Variants in TAFA5 observed in about 807,000 individuals in gnomAD.
TAFA5 encodes chemokine-like protein TAFA-5.
Under a neutral mutation model 15.3 loss-of-function variants are expected in TAFA5, and 6 were observed. The ratio of observed to expected loss-of-function variants is 0.39; its 90% CI spans 0.21 to 0.77. TAFA5 has a LOEUF of 0.77. TAFA5 is among the 30% of genes least tolerant of loss of function. TAFA5 has a pLI of 0.41. For missense variants in TAFA5, 161 were observed against 193.1 expected (o/e 0.83, Z 0.98); for synonymous variants, 103 against 80.7 (o/e 1.28, Z -1.48).
intron 1 of TAFA5, among the ~76,000 whole-genome samples, chr22:48,561,863 A>G (rs1298369702): frequency 1.3e-5 from 2 of 152,200 alleles, no homozygotes; most frequent in Non-Finnish European, 2.9e-5. Context: ...CCGGGGCCAC[A>G]CACATTCTGC....
rs1428396300 is a variant in TAFA5 at position 48,707,598 on chromosome 22, G to A, written c.263-119G>A. 4.0e-6 allele frequency: 5 copies of A among 1,263,992 alleles called. No individual in the cohort carries two copies. In the East Asian group the frequency reaches 1.3e-4, roughly 32 times the overall value. The allele number at this position is 1,263,992 out of a possible 1,614,324, so 78.3% of individuals were successfully genotyped here. ...CCCTGTGTGAGGGTCCCTGGGTGGAGCCACGCCGGGCATTGCCTGAGGGCC... is the reference window on the plus strand; with the variant it reads ...CCCTGTGTGAGGGTCCCTGGGTGGAACCACGCCGGGCATTGCCTGAGGGCC... On this transcript the variant is annotated intron_variant, in intron 2 of 3. Coordinates refer to ENST00000402357, the MANE Select transcript of TAFA5 (RefSeq NM_001082967.3).
intron 2 of TAFA5, among the ~76,000 whole-genome samples, chr22:48,647,890 C>A (rs574844038): frequency 1.8e-3 from 269 of 152,274 alleles, no homozygotes; most frequent in African/African-American, 3.8e-3. Context: ...GGGTCCCTGA[C>A]GCCACTTCTT....
chr22:48,738,515 T>G (rs1483894845), intron 3 of TAFA5, among the ~76,000 whole-genome samples: 2 of 152,034 alleles, frequency 1.3e-5, no homozygotes, highest in Non-Finnish European at 2.9e-5. Context: ...CTCTCCTGAC[T>G]CCTTGTACAG....
In TAFA5 at chr22:48,516,381, C is replaced by T. The variant is rs939952193; in HGVS notation, c.112+26677C>T. Among the ~76,000 whole-genome samples the T allele has an allele frequency of 5.1e-4, 78 of 152,154 alleles. 4 individuals carry two copies. The highest frequency in any genetic ancestry group is 2.1e-4 in the South Asian group (1 of 4,818). On this transcript the variant is annotated intron_variant, in intron 1 of 3. Transcript: ENST00000402357. ...CCTGCGATTCCCATTCCCCTGTCACCGAGACCTCGGGGCCGCGTGGTTTTG... is the reference window on the plus strand; with the variant it reads ...CCTGCGATTCCCATTCCCCTGTCACTGAGACCTCGGGGCCGCGTGGTTTTG...
intron 2 of TAFA5, among the ~76,000 whole-genome samples, chr22:48,697,681 G>T (rs1469045794): frequency 1.3e-5 from 2 of 151,582 alleles, no homozygotes; most frequent in African/African-American, 4.9e-5. Context: ...TGGTGATAAT[G>T]TGATGGTGAT....
chr22:48,695,510 G>A (rs757631753), intron 2 of TAFA5, among the ~76,000 whole-genome samples: 1 of 152,198 alleles, frequency 6.6e-6, no homozygotes, highest in African/African-American at 2.4e-5. Flanking sequence ...GAGCACCTCG[G>A]GGCTTGGGTG....
chr22:48,489,651 C>T lies in TAFA5; in HGVS notation c.59C>T (p.Ser20Phe). 1.3e-6 allele frequency: 2 copies of T among 1,531,988 alleles called. No individual in the cohort carries two copies. The highest frequency in any genetic ancestry group is 1.2e-5 in the South Asian group (1 of 82,702). 94.9% of individuals were successfully genotyped at this position (1,531,988 alleles called of 1,614,324 possible). The stretch of plus-strand genomic sequence containing the variant: ...GATGCGACCGCCCTGCCCAGCATGT[C>T]CTCAACTTTCTGGGCGTTCATGATC... Reference protein sequence around the residue: ...RQDATALPSMSSTFWAFMILA... With the variant: ...RQDATALPSMFSTFWAFMILA... The change falls in exon 1 of 4, where the codon TCC becomes TTC. Residue 20 changes from serine to phenylalanine, a missense_variant. Coordinates refer to ENST00000402357, the MANE Select transcript of TAFA5 (RefSeq NM_001082967.3). This position sits in a 1 kb window ranked among gnomAD's most constrained non-coding sequence, Gnocchi z 5.5.
chr22:48,585,022 A>T (rs1323867090), intron 1 of TAFA5, among the ~76,000 whole-genome samples: 1 of 132,116 alleles, frequency 7.6e-6, no homozygotes, highest in Non-Finnish European at 1.6e-5. Flanking sequence ...AGAATACACC[A>T]CACACACTAG....
chr22:48,639,220 C>T (rs1418739550), intron 1 of TAFA5, among the ~76,000 whole-genome samples: 2 of 149,242 alleles, frequency 1.3e-5, no homozygotes, highest in Admixed American at 6.6e-5. Context: ...CCGTTGGGGA[C>T]CTGCCCCCGG....
chr22:48,591,373 C>T (rs1210395207), intron 1 of TAFA5, among the ~76,000 whole-genome samples: 2 of 152,238 alleles, frequency 1.3e-5, no homozygotes, highest in African/African-American at 4.8e-5. Context: ...GTGTTCCCGT[C>T]GCAAGCCACC....
chr22:48,704,852 A>G (rs994691838), intron 2 of TAFA5, among the ~76,000 whole-genome samples: 1 of 151,894 alleles, frequency 6.6e-6, no homozygotes. Flanking sequence ...ACGGTTCTGG[A>G]GGCTGGACAT....
chr22:48,680,036 T>C (rs62224978), intron 2 of TAFA5, among the ~76,000 whole-genome samples: 11,975 of 152,302 alleles, frequency 0.079, 605 homozygotes, highest in Non-Finnish European at 0.12. Context: ...CTCGTGAGGC[T>C]GCAGAGGGCC....
chr22:48,533,989 C>G (rs1467483209), intron 1 of TAFA5, among the ~76,000 whole-genome samples: 3 of 152,184 alleles, frequency 2.0e-5, no homozygotes, highest in Admixed American at 6.5e-5. Flanking sequence ...GACCCCTTAG[C>G]ATCTGCATTT....
intron 1 of TAFA5, among the ~76,000 whole-genome samples, chr22:48,573,121 G>A (rs547279054): frequency 5.3e-5 from 8 of 152,280 alleles, no homozygotes; most frequent in African/African-American, 1.7e-4. Flanking sequence ...CAGTTTGCAG[G>A]GGTTTGGGGG....
chr22:48,673,648 A>T (rs1453124247), intron 2 of TAFA5, among the ~76,000 whole-genome samples: 1 of 152,090 alleles, frequency 6.6e-6, no homozygotes, highest in Non-Finnish European at 1.5e-5. Flanking sequence ...TAGGGCTTGG[A>T]TGTCAAATGG....
intron 1 of TAFA5, among the ~76,000 whole-genome samples, chr22:48,495,670 C>T (rs562811189): frequency 9.8e-5 from 15 of 152,328 alleles, no homozygotes; most frequent in East Asian, 3.9e-4. Flanking sequence ...TCTGGGCTGC[C>T]GTCACTTGAG....
intron 1 of TAFA5, among the ~76,000 whole-genome samples, chr22:48,522,782 G>A (rs942100246): frequency 2.6e-5 from 4 of 152,206 alleles, no homozygotes; most frequent in Admixed American, 1.3e-4. Flanking sequence ...ACTGTAAGTC[G>A]GCCCAAGGAG....
chr22:48,722,368 A>C (rs1471958430), intron 3 of TAFA5, among the ~76,000 whole-genome samples: 1 of 152,268 alleles, frequency 6.6e-6, no homozygotes, highest in Non-Finnish European at 1.5e-5. Context: ...ATAGAATACT[A>C]TGCAGTCATA....
intron 2 of TAFA5, among the ~76,000 whole-genome samples, chr22:48,697,599 A>G (rs1569083780): frequency 1.1e-5 from 1 of 87,084 alleles, no homozygotes; most frequent in Admixed American, 9.6e-5. Context: ...GATGTTGAGG[A>G]TGGTGGTGGT....
Sources: allele counts gnomAD v4.1 joint callset (sites outside exome capture counted in the v4.1 genomes callset), GRCh38; gene constraint gnomAD v4.1.1; non-coding constraint Gnocchi (gnomAD v3.1); transcripts MANE v1.5; gene names NCBI Gene and HGNC (gene_info 2026-07-23, HGNC 2026-07-21).